Variants in FOXP1 observed in about 807,000 individuals in gnomAD.
The protein encoded by FOXP1 is forkhead box protein P1.
In FOXP1, 15 loss-of-function variants were observed where a neutral mutation model predicts 98.2. The observed-to-expected ratio is 0.15, with a 90% CI of 0.10 to 0.24. The LOEUF is 0.24. Ranked by LOEUF, FOXP1 falls within the 10% of genes least tolerant of loss-of-function variation. FOXP1 has a pLI of 1.00. For missense variants in FOXP1, 633 were observed against 848.5 expected (o/e 0.75, Z 3.15); for synonymous variants, 371 against 314.5 (o/e 1.18, Z -1.90).
chr3:71,430,754 C>T lies in FOXP1; in HGVS notation c.-168+62672G>A, dbSNP rs78035864. ...AGAGAGAAAGCATCTCATTCTGCCA[C>T]GTTGGAAAAGAGGCTTAAACTCTGC... On this transcript the variant is annotated intron_variant, in intron 3 of 20. Coordinates refer to ENST00000649528, the MANE Select transcript of FOXP1 (RefSeq NM_001349338.3). 2.8e-3 allele frequency among the ~76,000 whole-genome samples: 420 copies of T among 152,216 alleles called. 3 individuals carry two copies. Among genetic ancestry groups the T allele is most frequent in the African/African-American group, 9.5e-3 (395 of 41,522 alleles).
At chr3:71,030,747 G>A (rs1337066470) in intron 11 of FOXP1, among the ~76,000 whole-genome samples, 1 of 152,052 alleles carries the variant, frequency 6.6e-6, no homozygotes, top group African/African-American at 2.4e-5. Flanking sequence ...ATTTCTGTCT[G>A]TACAGTCCTC....
At chr3:71,004,135 G>A (rs1368822640) in intron 12 of FOXP1, among the ~76,000 whole-genome samples, 1 of 151,936 alleles carries the variant, frequency 6.6e-6, no homozygotes, top group Non-Finnish European at 1.5e-5. Flanking sequence ...GTTTCTGCAA[G>A]AATGGAGAAT....
chr3:71,064,526 A>T (rs923833021), intron 7 of FOXP1, among the ~76,000 whole-genome samples: 12 of 151,910 alleles, frequency 7.9e-5, no homozygotes, highest in Admixed American at 4.6e-4. Context: ...ATGAACATTT[A>T]AAAAAAGAGA....
At chr3:71,333,290 TAGA>T (rs2076457156) in intron 4 of FOXP1, 1 of 152,172 alleles carries the variant, frequency 6.6e-6, no homozygotes, top group Non-Finnish European at 1.5e-5. Flanking sequence ...TCTAAGGAAT[TAGA>T]AGATCTCTCT....
At chr3:70,986,283 G>A (rs1481334261) in intron 14 of FOXP1, among the ~76,000 whole-genome samples, 7 of 152,114 alleles carry the variant, frequency 4.6e-5, no homozygotes, top group Admixed American at 1.3e-4. Context: ...CACCCAGCCC[G>A]GTCACTCGCC....
At chr3:71,500,445 G>A (rs1333512959) in intron 2 of FOXP1, among the ~76,000 whole-genome samples, 1 of 152,116 alleles carries the variant, frequency 6.6e-6, no homozygotes, top group Non-Finnish European at 1.5e-5. Flanking sequence ...TGACCTAACT[G>A]ATCACTTCCC....
chr3:71,300,514 C>T (rs1009346471), intron 4 of FOXP1, among the ~76,000 whole-genome samples: 6 of 152,118 alleles, frequency 3.9e-5, no homozygotes, highest in Non-Finnish European at 2.9e-5. Context: ...TGAAATCAAG[C>T]TTCCTAAAAC....
At chr3:71,462,761 G>A (rs975172901) in intron 3 of FOXP1, among the ~76,000 whole-genome samples, 1 of 152,138 alleles carries the variant, frequency 6.6e-6, no homozygotes, top group Non-Finnish European at 1.5e-5. Context: ...ACCAGCCACC[G>A]CCTTCAACAT....
intron 4 of FOXP1, among the ~76,000 whole-genome samples, chr3:71,355,681 G>T (rs1165173815): frequency 1.3e-5 from 2 of 152,210 alleles, no homozygotes; most frequent in East Asian, 3.8e-4. Context: ...CAGTGAACAT[G>T]ATGGAAGCAA....
At chr3:71,064,733 C>A (rs562479601) in intron 7 of FOXP1, 65 of 908,150 alleles carry the variant, frequency 7.2e-5, no homozygotes, top group Non-Finnish European at 8.4e-5. Context: ...TCGGGCTCTC[C>A]TGCCTTCCCC....
At chr3:71,040,551 T>C (rs1280733462) in intron 11 of FOXP1, 1 of 152,398 alleles carries the variant, frequency 6.6e-6, no homozygotes, top group Non-Finnish European at 1.5e-5. Context: ...ATTAACAGCT[T>C]TATTTTCTTA....
chr3:71,275,198 T>C (rs1332436897), intron 5 of FOXP1, among the ~76,000 whole-genome samples: 1 of 152,228 alleles, frequency 6.6e-6, no homozygotes, highest in Non-Finnish European at 1.5e-5. Flanking sequence ...TTGGAGATAT[T>C]TCTGTACCAG....
intron 3 of FOXP1, among the ~76,000 whole-genome samples, chr3:71,400,491 G>A (rs1033861089): frequency 3.3e-5 from 5 of 152,028 alleles, no homozygotes; most frequent in African/African-American, 1.2e-4. Context: ...CTGAGTAGCT[G>A]GGATTACAGG....
intron 12 of FOXP1, 128 bp from the exon 13 acceptor site, chr3:71,001,187 G>GAAAGGACAGGCCACCC: frequency 2.8e-6 from 2 of 708,474 alleles, no homozygotes; most frequent in Non-Finnish European, 5.1e-6. Context: ...CCAGGGGGTG[G>GAAAGGACAGGCCACCC]CCTGTCCTTT....
At position 71,203,523 on chromosome 3, in the gene FOXP1, T is replaced by A. The variant is rs557957609; in HGVS notation, c.-11-5131A>T. On this transcript the variant is annotated intron_variant, in intron 5 of 20. Transcript: ENST00000649528. ...TTGGTTACAGTGTTGATGCTGAAAATTTAGGGAAAATAAAGCCCTTGTTAT... is the reference window on the plus strand; with the variant it reads ...TTGGTTACAGTGTTGATGCTGAAAAATTAGGGAAAATAAAGCCCTTGTTAT... Among the ~76,000 whole-genome samples the A allele has an allele frequency of 3.9e-5, 6 of 152,282 alleles. No individual in the cohort carries two copies. In the South Asian group the frequency reaches 1.0e-3, roughly 26 times the overall value.
At chr3:71,160,205 T>G (rs2061065814) in intron 6 of FOXP1, among the ~76,000 whole-genome samples, 1 of 152,086 alleles carries the variant, frequency 6.6e-6, no homozygotes, top group Admixed American at 6.5e-5. Flanking sequence ...TTTCCCCAAC[T>G]TGGGCCTATT....
At chr3:71,047,695 AAAC>A (rs1413573531) in intron 9 of FOXP1, among the ~76,000 whole-genome samples, 1 of 152,232 alleles carries the variant, frequency 6.6e-6, no homozygotes, top group East Asian at 1.9e-4. Flanking sequence ...ATAATTTAGC[AAAC>A]AACATCGTAC....
At chr3:71,579,470 G>A (rs890647251) in intron 2 of FOXP1, among the ~76,000 whole-genome samples, 1 of 152,066 alleles carries the variant, frequency 6.6e-6, no homozygotes, top group Non-Finnish European at 1.5e-5. Flanking sequence ...ACAAGTTACA[G>A]AGAACTTGAA....
At chr3:71,247,515 T>G (rs1226832351) in intron 5 of FOXP1, among the ~76,000 whole-genome samples, 1 of 151,788 alleles carries the variant, frequency 6.6e-6, no homozygotes, top group Non-Finnish European at 1.5e-5. Context: ...AAGAGAGAGG[T>G]GTGCTGCTGC....
Sources: allele counts gnomAD v4.1 joint callset (sites outside exome capture counted in the v4.1 genomes callset), GRCh38; gene constraint gnomAD v4.1.1; transcripts MANE v1.5; gene names NCBI Gene and HGNC (gene_info 2026-07-23, HGNC 2026-07-21).